The following DOCK7 variants were observed in gnomAD, a reference collection of about 807,000 sequenced individuals.
DOCK7 encodes dedicator of cytokinesis protein 7.
DOCK7 carries 138 observed loss-of-function variants against 271.0 expected under a neutral mutation model. The observed-to-expected ratio is 0.51, with a 90% CI of 0.44 to 0.59. The LOEUF is 0.59. Among genes scored for constraint, DOCK7 ranks in the 20% least tolerant of loss-of-function variants. The pLI is 0.00. For synonymous variants in DOCK7, 823 were observed against 876.1 expected (o/e 0.94, Z 1.07); for missense variants, 2,066 against 2,592.4 (o/e 0.80, Z 4.41).
At chr1:62,598,170 C>CT (rs1178574509) in intron 14 of DOCK7, 19 of 1,046,786 alleles carry the variant, frequency 1.8e-5, no homozygotes, top group African/African-American at 3.3e-5. Context: ...TGTTGAAATA[C>CT]TTTTTTTTCC....
At chr1:62,470,832 C>G (rs1373355681) in intron 48 of DOCK7, among the ~76,000 whole-genome samples, 1 of 151,898 alleles carries the variant, frequency 6.6e-6, no homozygotes, top group Non-Finnish European at 1.5e-5. Flanking sequence ...TAACCAAATA[C>G]CACCTGTTCC....
chr1:62,466,943 AACAAAAAACAAGAACAAC>A (rs1038611906), intron 48 of DOCK7, among the ~76,000 whole-genome samples: 3 of 152,108 alleles, frequency 2.0e-5, no homozygotes, highest in Admixed American at 6.6e-5. Flanking sequence ...AACAAAAAAA[AACAAAAAACAAGAACAAC>A]ACAAAAAACA....
intron 28 of DOCK7, among the ~76,000 whole-genome samples, chr1:62,537,378 T>C (rs1271960356): frequency 3.3e-5 from 5 of 151,834 alleles, no homozygotes; most frequent in African/African-American, 1.2e-4. Context: ...GGTCAAGAGA[T>C]TGAGACCATC....
chr1:62,574,402 C>A (rs1294595615), intron 18 of DOCK7, among the ~76,000 whole-genome samples: 1 of 151,516 alleles, frequency 6.6e-6, no homozygotes, highest in East Asian at 1.9e-4. Context: ...TCAAGAAAAT[C>A]ATGAAATAAA....
chr1:62,516,776 A>G (rs993143269), intron 31 of DOCK7: 1 of 152,258 alleles, frequency 6.6e-6, no homozygotes, highest in Non-Finnish European at 1.5e-5. Context: ...CCACACACAT[A>G]GCTCTTTATA....
intron 21 of DOCK7, 39 bp from the exon 22 acceptor site, chr1:62,552,940 T>C: frequency 7.1e-7 from 1 of 1,401,244 alleles, no homozygotes; most frequent in Non-Finnish European, 9.4e-7. Flanking sequence ...TTAAAGAAAA[T>C]TAGTCAGGAA....
chr1:62,585,807 C>T (rs567242003), intron 15 of DOCK7, among the ~76,000 whole-genome samples: 8 of 152,292 alleles, frequency 5.3e-5, no homozygotes, highest in African/African-American at 1.9e-4. Flanking sequence ...AATCCCTATA[C>T]CAATCTTCTA....
chr1:62,467,292 GGA>G (rs1444335299), intron 48 of DOCK7, among the ~76,000 whole-genome samples: 5 of 152,174 alleles, frequency 3.3e-5, no homozygotes, highest in Non-Finnish European at 7.3e-5. Flanking sequence ...CTTAAAAGGT[GGA>G]GAGTGAAGGG....
intron 14 of DOCK7, chr1:62,604,947 T>C: frequency 7.6e-6 from 7 of 918,600 alleles, no homozygotes; most frequent in Non-Finnish European, 1.2e-5. Flanking sequence ...AAAGTCACTG[T>C]CTATTTAAGA....
intron 6 of DOCK7, 77 bp from the exon 7 acceptor site, chr1:62,647,853 A>C: frequency 9.3e-7 from 1 of 1,076,430 alleles, no homozygotes; most frequent in Non-Finnish European, 1.4e-6. Flanking sequence ...AACTTACTTT[A>C]CTAATCTAAC....
At chr1:62,549,227 A>G (rs1645812142) in intron 22 of DOCK7, among the ~76,000 whole-genome samples, 1 of 152,208 alleles carries the variant, frequency 6.6e-6, no homozygotes, top group South Asian at 2.1e-4. Flanking sequence ...GGAAAAAAAA[A>G]TTTAACTGTG....
intron 49 of DOCK7, among the ~76,000 whole-genome samples, chr1:62,456,222 C>G (rs780231369): frequency 2.0e-5 from 3 of 152,154 alleles, no homozygotes; most frequent in Admixed American, 6.5e-5. Flanking sequence ...CTTAGGGACT[C>G]CCCTCTCATG....
intron 48 of DOCK7, among the ~76,000 whole-genome samples, chr1:62,461,878 C>T (rs1463691797): frequency 6.6e-6 from 1 of 150,756 alleles, no homozygotes; most frequent in Admixed American, 6.6e-5. Flanking sequence ...TCGAGACCAG[C>T]CTGACCAAGA....
intron 25 of DOCK7, 59 bp from the exon 26 acceptor site, chr1:62,539,951 T>C: frequency 1.7e-6 from 2 of 1,186,944 alleles, no homozygotes; most frequent in South Asian, 1.8e-5. Flanking sequence ...TTACAACAAC[T>C]CTAAACACTT....
At chr1:62,641,728 C>T in intron 7 of DOCK7, 2 of 317,798 alleles carry the variant, frequency 6.3e-6, no homozygotes, top group Non-Finnish European at 1.3e-5. Context: ...CCAACTTTGG[C>T]AGCCACCTGG....
intron 25 of DOCK7, 38 bp downstream of exon 25, chr1:62,542,570 A>C: frequency 6.4e-7 from 1 of 1,570,668 alleles, no homozygotes; most frequent in Non-Finnish European, 8.7e-7. Flanking sequence ...GTTCACTAAG[A>C]GAAAAAATAT....
intron 18 of DOCK7, among the ~76,000 whole-genome samples, chr1:62,567,839 A>C (rs1311204608): frequency 6.6e-6 from 1 of 151,972 alleles, no homozygotes; most frequent in East Asian, 1.9e-4. Context: ...AATCTAAAAC[A>C]CTTGTTTTCA....
chr1:62,555,643 A>T (rs1224220406), intron 21 of DOCK7, among the ~76,000 whole-genome samples, 182 bp downstream of exon 21: 1 of 152,222 alleles, frequency 6.6e-6, no homozygotes, highest in African/African-American at 2.4e-5. Flanking sequence ...AAGATGTCTA[A>T]AAATGTAACT....
Position 62,475,280 on chromosome 1 carries a change from T to C in DOCK7, c.6033A>G (p.Thr2011=). 6.2e-7 allele frequency: 1 copy of C among 1,614,108 alleles called. No homozygotes were observed. The highest frequency in any genetic ancestry group is 8.5e-7 in the Non-Finnish European group (1 of 1,179,968). ...QKKTQELAFA[T]HQDPADPKML... is the part of the protein sequence containing the mutation. ...TTTTGGGGTCTGCGGGATCCTGATG[T>C]GTTGCAAATGCCAACTCCTGTGTCT... is the stretch of plus-strand genomic sequence containing the variant. Residue 2011 remains threonine (T), a synonymous_variant, in exon 47 of 50, where the codon ACA becomes ACG. Coordinates refer to ENST00000635253, the MANE Select transcript of DOCK7 (RefSeq NM_001367561.1).
Sources: gnomAD v4.1 joint callset for allele counts (sites outside exome capture counted in the v4.1 genomes callset) on GRCh38, gnomAD v4.1.1 for gene constraint, MANE v1.5 for transcripts, NCBI Gene and HGNC (gene_info 2026-07-23, HGNC 2026-07-21) for gene names.